The following ZNF579 variants were observed in gnomAD, a reference collection of about 807,000 sequenced individuals.
The protein encoded by ZNF579 is zinc finger protein 579.
A neutral mutation model predicts 5.7 loss-of-function variants in ZNF579; 3 were observed. That is an observed-to-expected ratio of 0.53 (90% CI 0.24 to 1.36). The LOEUF (loss-of-function observed/expected upper bound fraction) is 1.36, where lower values mean the gene tolerates loss of function less well. ZNF579 is among the 40% of genes most tolerant of loss of function. The pLI is 0.16. For missense variants in ZNF579, 679 were observed against 877.6 expected (o/e 0.77, Z 2.86); for synonymous variants, 454 against 409.0 (o/e 1.11, Z -1.33).
intron 1 of ZNF579, 130 bp from the exon 2 acceptor site, chr19:55,579,771 G>T: frequency 1.9e-6 from 2 of 1,051,550 alleles, no homozygotes; most frequent in Non-Finnish European, 2.5e-6. Flanking sequence ...AGCCAGGAGA[G>T]AGATATGAGA....
In ZNF579 at chr19:55,577,925, AGCGGCGGAGGGCAGG is replaced by A. The variant is rs751206746; in HGVS notation, c.*11_*25del. The A allele has an allele frequency of 6.4e-7, 1 of 1,563,190 alleles. No homozygotes were observed. Among genetic ancestry groups the A allele is most frequent in the Non-Finnish European group, 8.7e-7 (1 of 1,154,926 alleles). ...TCTGCAAACCGGGGAGCTCAGGCGG[AGCGGCGGAGGGCAGG>A]GCGGCGAAGGTCAGGAGGCCAGGCC... On this transcript the variant is annotated 3_prime_UTR_variant, in exon 2 of 2. Transcript: ENST00000325421.
At position 55,578,531 on chromosome 19, in the gene ZNF579, C is replaced by T. The variant is rs1465876895; in HGVS notation, c.1109G>A (p.Gly370Asp). The T allele has an allele frequency of 7.3e-7, 1 of 1,374,328 alleles. No homozygotes were observed. The highest frequency in any genetic ancestry group is 2.5e-5 in the African/African-American group (1 of 40,700). 85.1% of individuals were successfully genotyped at this position (1,374,328 alleles called of 1,614,324 possible). The stretch of plus-strand genomic sequence containing the variant: ...GGGGGGCCGAGCCGGGGCGGCGTCG[C>T]CTCCGTTCTGCCCTTCTCCCCCTTC... Reference protein sequence around the residue: ...ASEGGEGQNGGDAAPARPPAG... With the variant: ...ASEGGEGQNGDDAAPARPPAG... Residue 370 changes from glycine to aspartate, a missense_variant, in exon 2 of 2, where the codon GGC becomes GAC. Gly to Asp is a moderately conservative substitution (Grantham distance 94, BLOSUM62 -1). Transcript: ENST00000325421.
rs1158376951 is a variant in ZNF579, at chr19:55,579,569, C to A, written c.71G>T (p.Arg24Leu). Residue 24 changes from arginine to leucine, a missense_variant, in exon 2 of 2, where the codon CGA becomes CTA. Coordinates refer to ENST00000325421, the MANE Select transcript of ZNF579 (RefSeq NM_152600.3). ...PHRGRGRGRGRGRGRGRGRGR... is the reference protein window; with the variant it reads ...PHRGRGRGRGLGRGRGRGRGR... Reference sequence around the variant, plus strand: ...ACGGCCACGGCCCCGACCACGGCCTCGGCCACGGCCCCGGCCTCGGCCACG... The same window carrying A: ...ACGGCCACGGCCCCGACCACGGCCTAGGCCACGGCCCCGGCCTCGGCCACG... 6.7e-7 allele frequency: 1 copy of A among 1,491,196 alleles called. No homozygotes were observed. The highest frequency in any genetic ancestry group is 1.2e-5 in the South Asian group (1 of 80,006). 92.4% of individuals were successfully genotyped at this position (1,491,196 alleles called of 1,614,324 possible). A position where few individuals can be genotyped will look rare whatever the true frequency, so the allele number is the denominator to read the frequency against.
chr19:55,579,555 C>G lies in ZNF579; in HGVS notation c.85G>C (p.Gly29Arg), dbSNP rs749677533. ...GCGCCCCCCCTGCCACGGCCACGGC[C>G]CCGACCACGGCCTCGGCCACGGCCC... ...GRGRGRGRGR[G>R]RGRGRGGAGA... is the part of the protein sequence containing the mutation. The change falls in exon 2 of 2, where the codon GGC (glycine) becomes CGC (arginine). Residue 29 changes from glycine to arginine, a missense_variant. Physicochemically the swap from Gly to Arg is moderately radical, Grantham distance 125. Transcript: ENST00000325421. 2 of 1,488,736 alleles carry G rather than the reference C, an allele frequency of 1.3e-6. No individual in the cohort carries two copies. Among genetic ancestry groups the G allele is most frequent in the South Asian group, 1.3e-5 (1 of 79,378 alleles). 92.2% of individuals were successfully genotyped at this position (1,488,736 alleles called of 1,614,324 possible).
Position 55,578,152 on chromosome 19 carries a change from C to T in ZNF579, c.1488G>A (p.Glu496=), listed in dbSNP as rs1305964197. 2.0e-6 allele frequency: 3 copies of T among 1,525,286 alleles called. No individual in the cohort carries two copies. The South Asian group carries it at 3.7e-5, about 19-fold the overall frequency. The allele number at this position is 1,525,286 out of a possible 1,614,324, so 94.5% of individuals were successfully genotyped here. ...PPPPPLKAEQ[E]EEGLPLPLAN... is the part of the protein sequence containing the mutation. ...CGAGGGGCAGCGGGAGCCCTTCTTCCTCCTGCTCGGCCTTCAGGGGCGGCG... is the reference window on the plus strand; with the variant it reads ...CGAGGGGCAGCGGGAGCCCTTCTTCTTCCTGCTCGGCCTTCAGGGGCGGCG... The change falls in exon 2 of 2, where the codon GAG becomes GAA. Residue 496 remains glutamate, a synonymous_variant. Transcript: ENST00000325421.
intron 1 of ZNF579, 177 bp from the exon 2 acceptor site, chr19:55,579,818 A>G: frequency 1.7e-6 from 1 of 602,238 alleles, no homozygotes. Context: ...GGGAGGCCAG[A>G]GATGGAGAGA....
rs1011297035 is a variant in ZNF579, at chr19:55,577,789, G to A, written c.*162C>T. 1.6e-4 allele frequency: 212 copies of A among 1,328,088 alleles called. 1 individual carries two copies. The South Asian group carries it at 2.0e-3, about 13-fold the overall frequency. The allele number at this position is 1,328,088 out of a possible 1,614,324, so 82.3% of individuals were successfully genotyped here. ...CCAGCATCAGGGGTTCTGGGGGCGG[G>A]CGATGGGGGAGGAAGGGGCAGTCCA... is the stretch of plus-strand genomic sequence containing the variant. On this transcript the variant is annotated 3_prime_UTR_variant, in exon 2 of 2. Transcript: ENST00000325421.
At position 55,578,251 on chromosome 19, in the gene ZNF579, G is replaced by A; in HGVS notation, c.1389C>T (p.His463=). The A allele has an allele frequency of 7.2e-7, 1 of 1,385,134 alleles. No homozygotes were observed. The highest frequency in any genetic ancestry group is 9.3e-7 in the Non-Finnish European group (1 of 1,078,164). The allele number at this position is 1,385,134 out of a possible 1,614,324, so 85.8% of individuals were successfully genotyped here. ...AYSLLRHQRC[H]RAELERAAAL... ...CGGCGGCCCTCTCCAGCTCTGCGCG[G>A]TGGCAGCGCTGGTGGCGCAGGAGGC... Residue 463 remains histidine (H), a synonymous_variant, in exon 2 of 2, where the codon CAC becomes CAT. Coordinates refer to ENST00000325421, the MANE Select transcript of ZNF579 (RefSeq NM_152600.3).
At position 55,580,848 on chromosome 19, in the gene ZNF579, T is replaced by C. The variant is rs1294486569; in HGVS notation, c.-56A>G. On this transcript the variant is annotated 5_prime_UTR_variant, in exon 1 of 2. Coordinates refer to ENST00000325421, the MANE Select transcript of ZNF579 (RefSeq NM_152600.3). ...CCCACGGCCGGCCAAACGCGGACGG[T>C]GGTGGCGGGGAGGGAGGGGGGCCTG... The C allele has an allele frequency of 9.9e-6, 1 of 101,244 alleles. No homozygotes were observed. Among genetic ancestry groups the C allele is most frequent in the East Asian group, 3.4e-4 (1 of 2,974 alleles). 6.3% of individuals were successfully genotyped at this position (101,244 alleles called of 1,614,324 possible).
rs746692259 is a variant in ZNF579, at chr19:55,577,803, A to C, written c.*148T>G. On this transcript the variant is annotated 3_prime_UTR_variant, in exon 2 of 2. Transcript: ENST00000325421. Reference sequence around the variant, plus strand: ...TCTGGGGGCGGGCGATGGGGGAGGAAGGGGCAGTCCAGGGCCCCCCACTCC... The same window carrying C: ...TCTGGGGGCGGGCGATGGGGGAGGACGGGGCAGTCCAGGGCCCCCCACTCC... The C allele has an allele frequency of 2.9e-6, 4 of 1,397,110 alleles. No homozygotes were observed. The highest frequency in any genetic ancestry group is 3.8e-6 in the Non-Finnish European group (4 of 1,059,848). 86.5% of individuals were successfully genotyped at this position (1,397,110 alleles called of 1,614,324 possible). A position where few individuals can be genotyped will look rare whatever the true frequency, so the allele number is the denominator to read the frequency against.
In ZNF579 at chr19:55,576,839, AC is replaced by A. The variant is rs941193447; in HGVS notation, c.*1111del. 44 of 152,284 alleles carry A rather than the reference AC, an allele frequency of 2.9e-4. No individual in the cohort carries two copies. The highest frequency in any genetic ancestry group is 1.0e-3 in the African/African-American group (43 of 41,570). The allele number at this position is 152,284 out of a possible 1,614,324, so 9.4% of individuals were successfully genotyped here. ...TTACATTTCCATATTCTAAATTTAAACGGAAATAGCCACGTGTGTCTGCTGG... is the reference window on the plus strand; with the variant it reads ...TTACATTTCCATATTCTAAATTTAAAGGAAATAGCCACGTGTGTCTGCTGG... On this transcript the variant is annotated 3_prime_UTR_variant, in exon 2 of 2. Coordinates refer to ENST00000325421, the MANE Select transcript of ZNF579 (RefSeq NM_152600.3).
intron 1 of ZNF579, 90 bp from the exon 2 acceptor site, chr19:55,579,731 A>G (rs770783923): frequency 1.5e-6 from 2 of 1,298,848 alleles, no homozygotes; most frequent in Non-Finnish European, 2.0e-6. Flanking sequence ...AGACAGTCAG[A>G]GATGGAGAGG....
In ZNF579 at chr19:55,579,223, C is replaced by T. The variant is rs1168673202; in HGVS notation, c.417G>A (p.Thr139=). 14 of 1,522,856 alleles carry T rather than the reference C, an allele frequency of 9.2e-6. No homozygotes were observed. The highest frequency in any genetic ancestry group is 1.2e-5 in the Non-Finnish European group (14 of 1,140,724). The allele number at this position is 1,522,856 out of a possible 1,614,324, so 94.3% of individuals were successfully genotyped here. A position where few individuals can be genotyped will look rare whatever the true frequency, so the allele number is the denominator to read the frequency against. Residue 139 remains threonine (T), a synonymous_variant, in exon 2 of 2, where the codon ACG becomes ACA. Coordinates refer to ENST00000325421, the MANE Select transcript of ZNF579 (RefSeq NM_152600.3). ...CCTGCGGGCCCCAGCTGGGTTCGGC[C>T]GTCTCCTTGGCCACCCTCTCGATGG... ...ELAIERVAKE[T]AEPSWGPQDE...
At position 55,578,431 on chromosome 19, in the gene ZNF579, C is replaced by T. The variant is rs924401102; in HGVS notation, c.1209G>A (p.Gly403=). ...FRRRAHLRQH[G]VTHSGARPFQ... is the part of the protein sequence containing the mutation. ...AGGGGCGCGCTCCCGAGTGGGTCAC[C>T]CCGTGCTGCCGCAGGTGCGCCCGGC... The change falls in exon 2 of 2, where the codon GGG becomes GGA. Residue 403 remains glycine, a synonymous_variant. Transcript: ENST00000325421. 6.8e-7 allele frequency: 1 copy of T among 1,477,912 alleles called. No individual in the cohort carries two copies. Among genetic ancestry groups the T allele is most frequent in the Admixed American group, 2.4e-5 (1 of 41,124 alleles). The allele number at this position is 1,477,912 out of a possible 1,614,324, so 91.5% of individuals were successfully genotyped here. A position where few individuals can be genotyped will look rare whatever the true frequency, so the allele number is the denominator to read the frequency against.
At position 55,579,088 on chromosome 19, in the gene ZNF579, C is replaced by T; in HGVS notation, c.552G>A (p.Ala184=). The part of the protein sequence containing the change: ...WPAGEPSTLA[A]PTSAAEPRES... ...CCCGGGGCTCCGCGGCGCTGGTGGG[C>T]GCAGCCAGCGTGGAAGGCTCCCCCG... The change falls in exon 2 of 2, where the codon GCG becomes GCA. Residue 184 remains alanine, a synonymous_variant. Transcript: ENST00000325421. 2.0e-6 allele frequency: 3 copies of T among 1,528,550 alleles called. No homozygotes were observed. Among genetic ancestry groups the T allele is most frequent in the Non-Finnish European group, 8.7e-7 (1 of 1,143,970 alleles). 94.7% of individuals were successfully genotyped at this position (1,528,550 alleles called of 1,614,324 possible).
chr19:55,578,612 C>A lies in ZNF579; in HGVS notation c.1028G>T (p.Arg343Leu). 1.3e-6 allele frequency: 2 copies of A among 1,522,586 alleles called. No homozygotes were observed. The highest frequency in any genetic ancestry group is 1.3e-5 in the South Asian group (1 of 79,258). The allele number at this position is 1,522,586 out of a possible 1,614,324, so 94.3% of individuals were successfully genotyped here. Residue 343 changes from arginine (R) to leucine (L), a missense_variant, in exon 2 of 2, where the codon CGG becomes CTG. By Grantham distance (102) the Arg-to-Leu change is moderately radical. Around this residue, in one of 6 missense-constraint regions of ZNF579, gnomAD observed 114 missense variants for 98.9 expected, o/e 1.15. Coordinates refer to ENST00000325421, the MANE Select transcript of ZNF579 (RefSeq NM_152600.3). ...GKKDDKASGA[R>L]NSAKGPEGGE... Reference sequence around the variant, plus strand: ...CCCCTCCGGCCCCTTGGCTGAGTTCCGTGCACCCGAGGCCTTGTCGTCCTT... The same window carrying A: ...CCCCTCCGGCCCCTTGGCTGAGTTCAGTGCACCCGAGGCCTTGTCGTCCTT...
chr19:55,579,568 T>TCGGCCA lies in ZNF579; in HGVS notation c.66_71dup (p.Arg34_Gly35dup), dbSNP rs1438272492. 10 of 1,490,724 alleles carry TCGGCCA rather than the reference T, an allele frequency of 6.7e-6. No homozygotes were observed. The highest frequency in any genetic ancestry group is 1.3e-5 in the South Asian group (1 of 79,930). The allele number at this position is 1,490,724 out of a possible 1,614,324, so 92.3% of individuals were successfully genotyped here. A position where few individuals can be genotyped will look rare whatever the true frequency, so the allele number is the denominator to read the frequency against. ...CACGGCCACGGCCCCGACCACGGCC[T>TCGGCCA]CGGCCACGGCCCCGGCCTCGGCCAC... On this transcript the variant is annotated inframe_insertion, in exon 2 of 2. Transcript: ENST00000325421.
rs199499964 is a variant in ZNF579 at position 55,578,183 on chromosome 19, G to A, written c.1457C>T (p.Pro486Leu). Residue 486 changes from proline to leucine, a missense_variant, in exon 2 of 2, where the codon CCG (proline) becomes CTG (leucine). Coordinates refer to ENST00000325421, the MANE Select transcript of ZNF579 (RefSeq NM_152600.3). ...LQAQAPTSPP[P>L]PPPPLKAEQE... ...CTCGGCCTTCAGGGGCGGCGGGGGC[G>A]GTGGCGGCGACGTCGGGGCCTGGGC... 115 of 1,495,514 alleles carry A rather than the reference G, an allele frequency of 7.7e-5. No individual in the cohort carries two copies. Among genetic ancestry groups the A allele is most frequent in the African/African-American group, 2.4e-4 (17 of 71,236 alleles). The allele number at this position is 1,495,514 out of a possible 1,614,324, so 92.6% of individuals were successfully genotyped here. A position where few individuals can be genotyped will look rare whatever the true frequency, so the allele number is the denominator to read the frequency against.
Position 55,579,465 on chromosome 19 carries a change from GGTA to G in ZNF579, c.172_174del (p.Tyr58del). On this transcript the variant is annotated inframe_deletion, in exon 2 of 2. Coordinates refer to ENST00000325421, the MANE Select transcript of ZNF579 (RefSeq NM_152600.3). ...GAGTGGCTCAGCCGGTGCCGGGAGA[GGTA>G]GTAGGGGAAACGGAAGAGGCGGCCG... The G allele has an allele frequency of 7.4e-7, 1 of 1,350,020 alleles. No individual in the cohort carries two copies. Among genetic ancestry groups the G allele is most frequent in the Non-Finnish European group, 9.5e-7 (1 of 1,049,642 alleles). 83.6% of individuals were successfully genotyped at this position (1,350,020 alleles called of 1,614,324 possible).
Sources: gnomAD v4.1 joint callset for allele counts on GRCh38, gnomAD v4.1.1 for gene constraint, gnomAD v4.1.1 regional missense constraint, MANE v1.5 for transcripts, NCBI Gene and HGNC (gene_info 2026-07-23, HGNC 2026-07-21) for gene names.